The following PTPRN2 variants were observed in gnomAD, a reference collection of about 807,000 sequenced individuals.
PTPRN2 encodes the protein receptor-type tyrosine-protein phosphatase N2.
Under a neutral mutation model 118.8 loss-of-function variants are expected in PTPRN2, and 74 were observed. That is an observed-to-expected ratio of 0.62 (90% CI 0.52 to 0.76). The LOEUF is 0.76. PTPRN2 is among the 30% of genes least tolerant of loss of function. PTPRN2 has a pLI of 0.00. For synonymous variants in PTPRN2, 641 were observed against 608.0 expected (o/e 1.05, Z -0.80); for missense variants, 1,481 against 1,394.4 (o/e 1.06, Z -0.99).
At chr7:157,970,636 A>G (rs1202297764) in intron 11 of PTPRN2, among the ~76,000 whole-genome samples, 1 of 111,552 alleles carries the variant, frequency 9.0e-6, no homozygotes, top group Admixed American at 9.1e-5. Context: ...CTCAGAGCGG[A>G]CCCCCCCCCC....
At chr7:157,692,262 G>A (rs911673838) in intron 12 of PTPRN2, among the ~76,000 whole-genome samples, 2 of 151,830 alleles carry the variant, frequency 1.3e-5, no homozygotes, top group Non-Finnish European at 2.9e-5. Context: ...GCCCGCTCCC[G>A]GCCCCTCCGG....
chr7:157,818,768 A>C (rs1201190980), intron 12 of PTPRN2, among the ~76,000 whole-genome samples: 1 of 152,176 alleles, frequency 6.6e-6, no homozygotes, highest in Non-Finnish European at 1.5e-5. Flanking sequence ...AATGTAAAAC[A>C]TAAATGCTTT....
chr7:157,570,015 G>C (rs1463562866), intron 20 of PTPRN2, among the ~76,000 whole-genome samples: 2 of 152,236 alleles, frequency 1.3e-5, no homozygotes, highest in African/African-American at 4.8e-5. Flanking sequence ...TGATGGTAAA[G>C]AATCAGCGCA....
intron 2 of PTPRN2, among the ~76,000 whole-genome samples, chr7:158,432,000 C>T (rs35059736): frequency 0.37 from 56,787 of 152,164 alleles, 11,812 homozygotes; most frequent in East Asian, 0.63. Flanking sequence ...GATTCTCGTC[C>T]AGCATCCTCA....
chr7:158,180,020 G>A (rs1824560760), intron 5 of PTPRN2, among the ~76,000 whole-genome samples: 2 of 152,262 alleles, frequency 1.3e-5, no homozygotes, highest in Non-Finnish European at 2.9e-5. Context: ...CAGTCACAGA[G>A]CTAAAACACT....
intron 5 of PTPRN2, among the ~76,000 whole-genome samples, chr7:158,188,595 GA>G (rs1825464522): frequency 1.3e-5 from 1 of 74,108 alleles, no homozygotes; most frequent in South Asian, 5.3e-4. Context: ...CTCGCCCCCT[GA>G]TGGGGAAGCC....
At chr7:157,830,406 A>G (rs1313898000) in intron 12 of PTPRN2, among the ~76,000 whole-genome samples, 2 of 152,282 alleles carry the variant, frequency 1.3e-5, no homozygotes, top group East Asian at 3.9e-4. Context: ...GTGATGTGGC[A>G]GGTGCCTCTT....
Position 157,550,099 on chromosome 7 carries a change from T to A in PTPRN2, c.2903-1080A>T, listed in dbSNP as rs1322670208. 6.6e-6 allele frequency among the ~76,000 whole-genome samples: 1 copy of A among 152,206 alleles called. No homozygotes were observed. The highest frequency in any genetic ancestry group is 1.5e-5 in the Non-Finnish European group (1 of 68,032). ...CCCAGAGTCAGGTGGTCCCCAGGCC[T>A]TTCTCTCCGGCCGCAACCTGAGTGC... On this transcript the variant is annotated intron_variant, in intron 21 of 22. Transcript: ENST00000389418. This position sits in a 1 kb window ranked among gnomAD's most constrained non-coding sequence, Gnocchi z 5.2.
chr7:158,342,461 T>C (rs1586395341), intron 2 of PTPRN2, among the ~76,000 whole-genome samples: 2 of 81,194 alleles, frequency 2.5e-5, no homozygotes, highest in African/African-American at 5.6e-5. Context: ...ACCCACACTC[T>C]CACCATAAGA....
intron 2 of PTPRN2, among the ~76,000 whole-genome samples, chr7:158,386,027 C>T (rs1484194842): frequency 4.5e-5 from 5 of 110,972 alleles, no homozygotes; most frequent in South Asian, 3.7e-4. Context: ...TCCCTCCTCC[C>T]GTGCCCCGAG....
chr7:158,018,058 G>A (rs527357975), intron 11 of PTPRN2, among the ~76,000 whole-genome samples: 1 of 152,278 alleles, frequency 6.6e-6, no homozygotes, highest in Admixed American at 6.5e-5. Context: ...GGGGCCAAGC[G>A]AGTAGTGGGT....
intron 3 of PTPRN2, among the ~76,000 whole-genome samples, chr7:158,277,150 C>T (rs1311235740): frequency 2.6e-5 from 4 of 151,298 alleles, no homozygotes; most frequent in Non-Finnish European, 5.9e-5. Context: ...CACACGCGCA[C>T]ATACACGTGC....
In PTPRN2 at chr7:158,417,757, C is replaced by CTAGCTT. The variant is rs1423953053; in HGVS notation, c.163+71977_163+71978insAAGCTA. 1.2e-3 allele frequency among the ~76,000 whole-genome samples: 3 copies of CTAGCTT among 2,498 alleles called. 1 individual carries two copies. The highest frequency in any genetic ancestry group is 6.0e-3 in the South Asian group (1 of 166). 1.6% of individuals were successfully genotyped at this position (2,498 alleles called of 152,430 possible). On this transcript the variant is annotated intron_variant, in intron 2 of 22. Transcript: ENST00000389418. ...TCACGGTGTACTACATCGAGATGCT[C>CTAGCTT]TCTCAGTGTCCCGCTGTGTTAAGTC...
intron 11 of PTPRN2, among the ~76,000 whole-genome samples, chr7:158,070,259 G>C (rs1270820433): frequency 6.6e-6 from 1 of 151,658 alleles, no homozygotes; most frequent in African/African-American, 2.4e-5. Context: ...AGGTGCTCAT[G>C]GTGATGGAGG....
chr7:157,649,700 T>C (rs1183507865), intron 14 of PTPRN2, among the ~76,000 whole-genome samples: 18 of 133,140 alleles, frequency 1.4e-4, no homozygotes, highest in African/African-American at 4.9e-4. Context: ...ACCCATTCAC[T>C]GTGCACTGAA....
intron 13 of PTPRN2, among the ~76,000 whole-genome samples, chr7:157,677,910 G>A (rs1796746164): frequency 6.6e-6 from 1 of 152,208 alleles, no homozygotes; most frequent in South Asian, 2.1e-4. Flanking sequence ...GCACGGCCTT[G>A]CCCTCCCGGG....
intron 6 of PTPRN2, among the ~76,000 whole-genome samples, chr7:158,142,240 C>G (rs1481733859): frequency 6.6e-6 from 1 of 152,204 alleles, no homozygotes; most frequent in Non-Finnish European, 1.5e-5. Context: ...GCTCAGACTC[C>G]AGGCCGCTGC....
At chr7:157,928,712 G>A (rs1242231146) in intron 11 of PTPRN2, among the ~76,000 whole-genome samples, 1 of 149,518 alleles carries the variant, frequency 6.7e-6, no homozygotes, top group African/African-American at 2.5e-5. Flanking sequence ...GATAGGGGTG[G>A]GGTGGGGAGG....
At chr7:158,371,621 G>A (rs560343336) in intron 2 of PTPRN2, among the ~76,000 whole-genome samples, 5 of 152,180 alleles carry the variant, frequency 3.3e-5, no homozygotes, top group African/African-American at 7.2e-5. Flanking sequence ...GCAAGTTCTC[G>A]GAAGGAAAAT....
Sources: gnomAD v4.1 joint callset for allele counts (sites outside exome capture counted in the v4.1 genomes callset) on GRCh38, gnomAD v4.1.1 for gene constraint, Gnocchi (gnomAD v3.1) non-coding constraint, MANE v1.5 for transcripts, NCBI Gene and HGNC (gene_info 2026-07-23, HGNC 2026-07-21) for gene names.